Variants in KDM1B observed in about 807,000 individuals in gnomAD.
KDM1B encodes the protein lysine demethylase 1B, also known as lysine-specific histone demethylase 2.
KDM1B carries 63 observed loss-of-function variants against 107.4 expected under a neutral mutation model. The observed-to-expected ratio is 0.59, with a 90% CI of 0.48 to 0.72. KDM1B has a LOEUF of 0.72. KDM1B is among the 30% of genes least tolerant of loss of function. The pLI, the probability that KDM1B is intolerant of heterozygous loss-of-function variation, is 0.00. For synonymous variants in KDM1B, 363 were observed against 363.9 expected, an observed-to-expected ratio of 1.00 and a Z score of 0.03; for missense variants, 749 against 1,020.8, an observed-to-expected ratio of 0.73 and a Z score of 3.63.
At chr6:18,185,645 T>C (rs1786808651) in intron 7 of KDM1B, 127 bp from the exon 8 acceptor site, 1 of 837,314 alleles carries the variant, frequency 1.2e-6, no homozygotes, top group Non-Finnish European at 2.0e-6. Context: ...ATTTATACAT[T>C]GTTTCATAAA....
At chr6:18,169,275 C>T (rs1045565790) in intron 6 of KDM1B, among the ~76,000 whole-genome samples, 5 of 150,734 alleles carry the variant, frequency 3.3e-5, no homozygotes, top group Non-Finnish European at 7.4e-5. Context: ...CTCTTGTCAC[C>T]CAGGCTGCAG....
Position 18,191,360 on chromosome 6 carries a change from A to G in KDM1B, c.948A>G (p.Ala316=), listed in dbSNP as rs1262859292. The change falls in exon 10 of 22, where the codon GCA becomes GCG. Residue 316 remains alanine, a synonymous_variant. Transcript: ENST00000650836. This position sits in a 1 kb window ranked among gnomAD's most constrained non-coding sequence, Gnocchi z 5.1. ...TGGCTTTGAGAAACCTCATCCTCGCACTGTGGTATACTAACTGCAAAGTAA... is the reference window on the plus strand; with the variant it reads ...TGGCTTTGAGAAACCTCATCCTCGCGCTGTGGTATACTAACTGCAAAGTAA... The part of the protein sequence containing the change: ...MYLALRNLIL[A]LWYTNCKEAL... The G allele has an allele frequency of 1.3e-6, 2 of 1,550,920 alleles. No individual in the cohort carries two copies. The highest frequency in any genetic ancestry group is 2.4e-5 in the East Asian group (1 of 40,928).
intron 15 of KDM1B, among the ~76,000 whole-genome samples, chr6:18,206,960 C>A (rs1222156516): frequency 6.6e-6 from 1 of 152,192 alleles, no homozygotes; most frequent in Admixed American, 6.5e-5. Flanking sequence ...TCAGAGGCCC[C>A]TTTGGGACCT....
At chr6:18,157,563 A>G (rs181697836) in intron 2 of KDM1B, among the ~76,000 whole-genome samples, 3 of 152,042 alleles carry the variant, frequency 2.0e-5, no homozygotes, top group African/African-American at 7.2e-5. Context: ...TTGACTTCAG[A>G]TATTTTTGCT....
intron 6 of KDM1B, among the ~76,000 whole-genome samples, chr6:18,167,883 C>T (rs1014172181): frequency 3.9e-5 from 6 of 152,160 alleles, no homozygotes; most frequent in South Asian, 2.1e-4. Context: ...CCACCTCAGC[C>T]GGCAGAGCAG....
At chr6:18,157,117 C>T (rs1215088297) in intron 2 of KDM1B, among the ~76,000 whole-genome samples, 1 of 151,798 alleles carries the variant, frequency 6.6e-6, no homozygotes, top group Non-Finnish European at 1.5e-5. Context: ...AGCATGAAAC[C>T]AATTGGTTAT....
intron 7 of KDM1B, among the ~76,000 whole-genome samples, chr6:18,175,497 A>G (rs546274311): frequency 6.6e-6 from 1 of 152,150 alleles, no homozygotes; most frequent in Non-Finnish European, 1.5e-5. Flanking sequence ...CCAGTTATTT[A>G]TCTTTGTTTT....
intron 5 of KDM1B, among the ~76,000 whole-genome samples, chr6:18,164,832 G>A (rs981977481): frequency 6.6e-6 from 1 of 152,054 alleles, no homozygotes; most frequent in African/African-American, 2.4e-5. Context: ...TTTTAGTAGA[G>A]GCTGGGTTTC....
rs1785735112 is a variant in KDM1B, at chr6:18,172,705, A to G, written c.534+1226A>G. Among the ~76,000 whole-genome samples the G allele has an allele frequency of 6.6e-6, 1 of 152,176 alleles. No individual in the cohort carries two copies. Among genetic ancestry groups the G allele is most frequent in the Non-Finnish European group, 1.5e-5 (1 of 68,038 alleles). The stretch of plus-strand genomic sequence containing the variant: ...ATTCAGTAAAAGCCTGGGATTCAAA[A>G]TATAAACATAATATTCTATTTCATT... On this transcript the variant is annotated intron_variant, in intron 7 of 21. Coordinates refer to ENST00000650836, the MANE Select transcript of KDM1B (RefSeq NM_001364614.2). This position sits in a 1 kb window ranked among gnomAD's most constrained non-coding sequence, Gnocchi z 5.2.
intron 14 of KDM1B, among the ~76,000 whole-genome samples, chr6:18,202,774 T>G (rs1287591852): frequency 1.3e-5 from 2 of 152,132 alleles, no homozygotes; most frequent in African/African-American, 2.4e-5. Flanking sequence ...TATCTCTTCT[T>G]TTTCTCTTTT....
intron 15 of KDM1B, among the ~76,000 whole-genome samples, chr6:18,207,131 G>C (rs1788429503): frequency 6.6e-6 from 1 of 152,194 alleles, no homozygotes; most frequent in South Asian, 2.1e-4. Flanking sequence ...CTTTGCCAGA[G>C]TTGTCAATAT....
intron 7 of KDM1B, among the ~76,000 whole-genome samples, chr6:18,176,478 C>G (rs1437115341): frequency 1.3e-5 from 2 of 152,094 alleles, no homozygotes; most frequent in Non-Finnish European, 2.9e-5. Flanking sequence ...CTGGCTAGGA[C>G]TTCTAGTACT....
chr6:18,156,623 T>C (rs1784625946), intron 2 of KDM1B, among the ~76,000 whole-genome samples: 1 of 152,130 alleles, frequency 6.6e-6, no homozygotes, highest in Non-Finnish European at 1.5e-5. Flanking sequence ...ATTGAATCAT[T>C]GAACTGCATG....
intron 2 of KDM1B, among the ~76,000 whole-genome samples, chr6:18,156,680 C>T (rs564357074): frequency 4.9e-4 from 74 of 151,792 alleles, no homozygotes; most frequent in African/African-American, 1.1e-3. Flanking sequence ...ATTGGGAGGC[C>T]GAGGTGGGCG....
chr6:18,218,449 TAGAC>T (rs1306169685), intron 21 of KDM1B, among the ~76,000 whole-genome samples: 2 of 152,286 alleles, frequency 1.3e-5, no homozygotes, highest in Admixed American at 6.5e-5. Flanking sequence ...GATTTAACAT[TAGAC>T]AGACATTATT....
chr6:18,208,603 G>GTATGTATATA (rs869173486), intron 17 of KDM1B, among the ~76,000 whole-genome samples: 1 of 34,896 alleles, frequency 2.9e-5, no homozygotes, highest in African/African-American at 1.2e-4. Context: ...GTATGTGTAT[G>GTATGTATATA]TATATATATA....
intron 6 of KDM1B, among the ~76,000 whole-genome samples, chr6:18,169,103 G>A (rs1278862952): frequency 4.0e-5 from 6 of 151,680 alleles, no homozygotes; most frequent in Admixed American, 3.9e-4. Flanking sequence ...AACTCCTGAT[G>A]TCAGGTGATC....
rs1057138444 is a variant in KDM1B, at chr6:18,204,693, G to T, written c.1532-844G>T. On this transcript the variant is annotated intron_variant, in intron 14 of 21. Transcript: ENST00000650836. The surrounding 1 kb of genome is among the most constrained non-coding windows in gnomAD (Gnocchi z 4.9). ...AGGGCTGTGTCCATATAGTTACAAG[G>T]TCCGGTTGAGTGGGACAGATAAGTA... Among the ~76,000 whole-genome samples the T allele has an allele frequency of 1.3e-5, 2 of 152,028 alleles. No individual in the cohort carries two copies. Among genetic ancestry groups the T allele is most frequent in the Non-Finnish European group, 2.9e-5 (2 of 68,036 alleles).
Position 18,158,500 on chromosome 6 carries a change from C to T in KDM1B, c.-13-1383C>T, listed in dbSNP as rs555709959. Reference sequence around the variant, plus strand: ...AAATATGAAACAATAGGATTACAAGCTCCTTAAAGCTTTTCTCCAAGACTA... The same window carrying T: ...AAATATGAAACAATAGGATTACAAGTTCCTTAAAGCTTTTCTCCAAGACTA... On this transcript the variant is annotated intron_variant, in intron 2 of 21. Coordinates refer to ENST00000650836, the MANE Select transcript of KDM1B (RefSeq NM_001364614.2). Among the ~76,000 whole-genome samples, 19 of 152,214 alleles carry T rather than the reference C, an allele frequency of 1.2e-4. No homozygotes were observed. The South Asian group carries it at 3.9e-3, about 32-fold the overall frequency.
Sources: allele counts gnomAD v4.1 joint callset (sites outside exome capture counted in the v4.1 genomes callset), GRCh38; gene constraint gnomAD v4.1.1; non-coding constraint Gnocchi (gnomAD v3.1); transcripts MANE v1.5; gene names NCBI Gene and HGNC (gene_info 2026-07-23, HGNC 2026-07-21).